Variants in CCDC175 observed in about 807,000 individuals in gnomAD.
The protein encoded by CCDC175 is coiled-coil domain-containing protein 175.
CCDC175 carries 100 observed loss-of-function variants against 114.6 expected under a neutral mutation model. That is an observed-to-expected ratio of 0.87 (90% CI 0.74 to 1.03). The LOEUF is 1.03. Among genes scored for constraint, CCDC175 ranks in the 50% least tolerant of loss-of-function variants. The pLI is 0.00. For missense variants in CCDC175, 880 were observed against 917.8 expected (o/e 0.96, Z 0.53); for synonymous variants, 306 against 308.7 (o/e 0.99, Z 0.09).
chr14:59,576,761 G>T lies in CCDC175; in HGVS notation c.15C>A (p.Pro5=). 6.9e-7 allele frequency: 1 copy of T among 1,453,936 alleles called. No homozygotes were observed. The highest frequency in any genetic ancestry group is 9.0e-7 in the Non-Finnish European group (1 of 1,114,992). The allele number at this position is 1,453,936 out of a possible 1,614,324, so 90.1% of individuals were successfully genotyped here. The part of the protein sequence containing the change: MALS[P]WTPGLGAGEK... ...CGCCAGCGCCCAGCCCTGGGGTCCA[G>T]GGGCTCAGGGCCATTTTGCCGCTCT... Residue 5 remains proline (P), a synonymous_variant, in exon 1 of 20, where the codon CCC becomes CCA. Transcript: ENST00000537690.
chr14:59,561,269 C>A (rs564326310), intron 6 of CCDC175, 41 bp from the exon 7 acceptor site: 2 of 1,066,766 alleles, frequency 1.9e-6, no homozygotes, highest in African/African-American at 1.6e-5. Flanking sequence ...CAATCATCAC[C>A]AAGTGATTCA....
chr14:59,559,271 G>A lies in CCDC175; in HGVS notation c.953+1848C>T, dbSNP rs375385305. On this transcript the variant is annotated intron_variant, in intron 7 of 19. Transcript: ENST00000537690. The stretch of plus-strand genomic sequence containing the variant: ...GCCAAAGAAACCCCATAGCGAATTA[G>A]AAAGGTAGGCATTGGATTCACCTTT... Among the ~76,000 whole-genome samples, 30 of 152,284 alleles carry A rather than the reference G, an allele frequency of 2.0e-4. No homozygotes were observed. In the East Asian group the frequency reaches 5.4e-3, roughly 27 times the overall value.
chr14:59,510,819 G>A lies in CCDC175; in HGVS notation c.2143-11C>T. On this transcript the variant is annotated splice_polypyrimidine_tract_variant and intron_variant, in intron 18 of 19. Coordinates refer to ENST00000537690, the MANE Select transcript of CCDC175 (RefSeq NM_001164399.2). The stretch of plus-strand genomic sequence containing the variant: ...ATTGTCCACCAAGATCTAAAGAAAT[G>A]GCATTTTAGGCTGTGTCAATATAAA... 1 of 1,530,032 alleles carries A rather than the reference G, an allele frequency of 6.5e-7. No homozygotes were observed. Among genetic ancestry groups the A allele is most frequent in the Non-Finnish European group, 8.8e-7 (1 of 1,141,554 alleles). The allele number at this position is 1,530,032 out of a possible 1,614,324, so 94.8% of individuals were successfully genotyped here.
At chr14:59,507,288 C>CA (rs1261424406) in intron 19 of CCDC175, among the ~76,000 whole-genome samples, 1 of 152,224 alleles carries the variant, frequency 6.6e-6, no homozygotes, top group Non-Finnish European at 1.5e-5. Flanking sequence ...TCCAATAAGA[C>CA]ACAGCTTTAC....
At chr14:59,524,575 T>A (rs992517947) in intron 16 of CCDC175, among the ~76,000 whole-genome samples, 1 of 152,082 alleles carries the variant, frequency 6.6e-6, no homozygotes, top group African/African-American at 2.4e-5. Context: ...AAAGACAGTT[T>A]TGTGAGAGTG....
At chr14:59,531,680 T>C in intron 14 of CCDC175, 92 bp downstream of exon 14, 1 of 908,396 alleles carries the variant, frequency 1.1e-6, no homozygotes, top group Non-Finnish European at 1.6e-6. Context: ...AGTTTCACCA[T>C]TGGCTTGTAA....
Position 59,510,635 on chromosome 14 carries a change from C to G in CCDC175, c.2305+11G>C. On this transcript the variant is annotated intron_variant, in intron 19 of 19. Coordinates refer to ENST00000537690, the MANE Select transcript of CCDC175 (RefSeq NM_001164399.2). Reference sequence around the variant, plus strand: ...AGTCCCATGTTACCAAAGCTCTAAGCTGTTGCTTACTAAGAAGGTCCATTG... The same window carrying G: ...AGTCCCATGTTACCAAAGCTCTAAGGTGTTGCTTACTAAGAAGGTCCATTG... 1 of 1,536,910 alleles carries G rather than the reference C, an allele frequency of 6.5e-7. No homozygotes were observed. The highest frequency in any genetic ancestry group is 8.7e-7 in the Non-Finnish European group (1 of 1,146,702).
In CCDC175 at chr14:59,510,684, C is replaced by T. The variant is rs371749983; in HGVS notation, c.2267G>A (p.Arg756His). 1.8e-4 allele frequency: 284 copies of T among 1,537,196 alleles called. 1 individual carries two copies. The highest frequency in any genetic ancestry group is 2.2e-4 in the Non-Finnish European group (256 of 1,146,856). The change falls in exon 19 of 20, where the codon CGT becomes CAT. Residue 756 changes from arginine to histidine, a missense_variant. Coordinates refer to ENST00000537690, the MANE Select transcript of CCDC175 (RefSeq NM_001164399.2). ...TWLRGSLEGL[R>H]LLVEQESPMD... ...TGGTGATTCCTGTTCCACAAGCAAA[C>T]GCAGCCCTTCAAGACTCCCTCGTAG...
intron 9 of CCDC175, among the ~76,000 whole-genome samples, chr14:59,544,196 G>C (rs1008732489): frequency 1.3e-5 from 2 of 152,026 alleles, no homozygotes; most frequent in African/African-American, 4.8e-5. Context: ...GACGGAGTCT[G>C]GCTCTTGTCG....
chr14:59,508,883 C>T (rs73305608), intron 19 of CCDC175, among the ~76,000 whole-genome samples: 1,852 of 152,166 alleles, frequency 0.012, 29 homozygotes, highest in African/African-American at 0.043. Context: ...TAAATAAATT[C>T]GTGTTATTTA....
chr14:59,559,825 A>G (rs1896127709), intron 7 of CCDC175, among the ~76,000 whole-genome samples: 1 of 152,202 alleles, frequency 6.6e-6, no homozygotes, highest in Admixed American at 6.5e-5. Flanking sequence ...GAGATTCTAC[A>G]TGAATCCAAA....
At chr14:59,520,293 T>C (rs1240263889) in intron 17 of CCDC175, among the ~76,000 whole-genome samples, 1 of 152,152 alleles carries the variant, frequency 6.6e-6, no homozygotes, top group African/African-American at 2.4e-5. Flanking sequence ...ATTAACAATT[T>C]AAAGCGTTTT....
chr14:59,526,539 G>A (rs1042618322), intron 15 of CCDC175, among the ~76,000 whole-genome samples: 1 of 145,960 alleles, frequency 6.9e-6, no homozygotes, highest in Non-Finnish European at 1.5e-5. Flanking sequence ...CTGGGCAACA[G>A]AGTGAGACTC....
intron 5 of CCDC175, 137 bp downstream of exon 5, chr14:59,564,910 A>T (rs902770820): frequency 3.1e-6 from 2 of 649,324 alleles, no homozygotes; most frequent in African/African-American, 3.7e-5. Flanking sequence ...TCTCCCGCTC[A>T]TCCCGTTTTC....
At chr14:59,507,064 C>G (rs1892462385) in intron 19 of CCDC175, among the ~76,000 whole-genome samples, 2 of 152,060 alleles carry the variant, frequency 1.3e-5, no homozygotes, top group Non-Finnish European at 2.9e-5. Flanking sequence ...ACTTATTTAC[C>G]TTTGATTTAC....
intron 16 of CCDC175, among the ~76,000 whole-genome samples, chr14:59,523,967 CGACAGAGCAA>C (rs1304254066): frequency 6.6e-6 from 1 of 150,400 alleles, no homozygotes; most frequent in Non-Finnish European, 1.5e-5. Flanking sequence ...CCAGCCTGGG[CGACAGAGCAA>C]GACTCCGTCT....
At chr14:59,529,560 C>A (rs781075978) in intron 14 of CCDC175, among the ~76,000 whole-genome samples, 2 of 152,144 alleles carry the variant, frequency 1.3e-5, no homozygotes, top group Non-Finnish European at 2.9e-5. Flanking sequence ...CTTCATCGTG[C>A]CCTTTTTGGC....
intron 14 of CCDC175, among the ~76,000 whole-genome samples, chr14:59,530,617 G>T (rs74059538): frequency 2.2e-4 from 34 of 151,836 alleles, no homozygotes; most frequent in African/African-American, 7.5e-4. Context: ...CTGAGGAGTG[G>T]GTACCAGGCC....
intron 8 of CCDC175, among the ~76,000 whole-genome samples, chr14:59,550,058 A>C (rs1895373585): frequency 6.6e-6 from 1 of 152,028 alleles, no homozygotes. Flanking sequence ...CTACAGGTGC[A>C]CACCACCACA....
Sources: allele counts gnomAD v4.1 joint callset (sites outside exome capture counted in the v4.1 genomes callset), GRCh38; gene constraint gnomAD v4.1.1; transcripts MANE v1.5; gene names NCBI Gene and HGNC (gene_info 2026-07-23, HGNC 2026-07-21).